Variants in FSTL5 observed in about 807,000 individuals in gnomAD.
FSTL5 encodes the protein follistatin like 5.
A neutral mutation model predicts 89.1 loss-of-function variants in FSTL5; 62 were observed. The ratio of observed to expected loss-of-function variants is 0.70; its 90% confidence interval spans 0.57 to 0.86. FSTL5 has a LOEUF of 0.86. Among genes scored for constraint, FSTL5 ranks in the 40% least tolerant of loss-of-function variants. The probability of loss-of-function intolerance (pLI) is 0.00; values close to 1 mark genes in which losing one functional copy is unlikely to be tolerated. For missense variants in FSTL5, 1,057 were observed against 1,001.6 expected (o/e 1.06, Z -0.75); for synonymous variants, 383 against 346.2 (o/e 1.11, Z -1.18).
intron 2 of FSTL5, among the ~76,000 whole-genome samples, chr4:162,048,374 G>A (rs1228049410): frequency 6.6e-6 from 1 of 151,744 alleles, no homozygotes; most frequent in Non-Finnish European, 1.5e-5. Flanking sequence ...CTATTCCCTT[G>A]AAAAACATAC....
At chr4:161,728,202 C>A (rs897663835) in intron 6 of FSTL5, among the ~76,000 whole-genome samples, 9 of 152,088 alleles carry the variant, frequency 5.9e-5, no homozygotes. Context: ...TATAAAATAT[C>A]TCTGGGTTAG....
intron 4 of FSTL5, among the ~76,000 whole-genome samples, chr4:161,817,611 G>A (rs575867301): frequency 1.3e-5 from 2 of 152,032 alleles, no homozygotes; most frequent in East Asian, 3.9e-4. Context: ...ATTTTTTCTT[G>A]AGTATTTAAT....
At chr4:162,045,676 C>T (rs543085169) in intron 2 of FSTL5, among the ~76,000 whole-genome samples, 118 of 152,132 alleles carry the variant, frequency 7.8e-4, no homozygotes, top group Non-Finnish European at 1.4e-3. Flanking sequence ...TGCTTAACAC[C>T]GGGCTACCAC....
At chr4:161,748,669 T>C (rs996135550) in intron 6 of FSTL5, among the ~76,000 whole-genome samples, 6 of 150,522 alleles carry the variant, frequency 4.0e-5, no homozygotes, top group Admixed American at 1.3e-4. Flanking sequence ...ACTTACACGA[T>C]TGGCGAATTT....
At chr4:161,654,528 T>C (rs1473850002) in intron 7 of FSTL5, among the ~76,000 whole-genome samples, 2 of 152,116 alleles carry the variant, frequency 1.3e-5, no homozygotes, top group African/African-American at 4.8e-5. Context: ...CCAGATAGTC[T>C]TTAAGAAAAG....
At chr4:161,847,223 T>C (rs976110874) in intron 4 of FSTL5, among the ~76,000 whole-genome samples, 2 of 152,190 alleles carry the variant, frequency 1.3e-5, no homozygotes, top group Non-Finnish European at 2.9e-5. Flanking sequence ...CAAAGTTTGA[T>C]CCAAAGTTTT....
chr4:162,105,886 T>C (rs1055450220), intron 2 of FSTL5, among the ~76,000 whole-genome samples: 3 of 152,298 alleles, frequency 2.0e-5, no homozygotes, highest in East Asian at 3.9e-4. Flanking sequence ...TCAGAAGCGA[T>C]AGCAAATTTT....
At chr4:162,099,235 A>T (rs1190207352) in intron 2 of FSTL5, among the ~76,000 whole-genome samples, 1 of 152,092 alleles carries the variant, frequency 6.6e-6, no homozygotes, top group Non-Finnish European at 1.5e-5. Context: ...GTCTACATAC[A>T]TCCAAGGGAT....
At chr4:162,008,875 C>T (rs1736684260) in intron 3 of FSTL5, among the ~76,000 whole-genome samples, 1 of 151,840 alleles carries the variant, frequency 6.6e-6, no homozygotes, top group South Asian at 2.1e-4. Flanking sequence ...GGCTTAGTTA[C>T]TCAAGAAGCT....
At chr4:161,576,549 T>C (rs1733214167) in intron 8 of FSTL5, among the ~76,000 whole-genome samples, 1 of 152,090 alleles carries the variant, frequency 6.6e-6, no homozygotes, top group Non-Finnish European at 1.5e-5. Context: ...TCGACAAACC[T>C]GACAAAAACA....
intron 4 of FSTL5, among the ~76,000 whole-genome samples, chr4:161,813,279 T>A (rs900942668): frequency 3.9e-5 from 6 of 152,140 alleles, no homozygotes; most frequent in African/African-American, 1.4e-4. Flanking sequence ...TCTGCCCGCC[T>A]TGGCCTCCCA....
At chr4:162,103,461 T>C (rs558265042) in intron 2 of FSTL5, among the ~76,000 whole-genome samples, 1 of 152,296 alleles carries the variant, frequency 6.6e-6, no homozygotes, top group Admixed American at 6.5e-5. Flanking sequence ...ACTCTCAATG[T>C]GTATTGGTAG....
chr4:161,647,885 C>T (rs1254579901), intron 7 of FSTL5, among the ~76,000 whole-genome samples: 1 of 152,088 alleles, frequency 6.6e-6, no homozygotes, highest in African/African-American at 2.4e-5. Context: ...CCCCCTAGAT[C>T]CCAGCAGGCA....
intron 6 of FSTL5, among the ~76,000 whole-genome samples, chr4:161,743,507 T>C (rs1740095120): frequency 6.6e-6 from 1 of 152,140 alleles, no homozygotes; most frequent in Non-Finnish European, 1.5e-5. Context: ...GCTTTTCTTT[T>C]GTCAAGATTG....
chr4:161,468,981 G>T (rs1186257075), intron 13 of FSTL5, among the ~76,000 whole-genome samples: 1 of 152,016 alleles, frequency 6.6e-6, no homozygotes, highest in South Asian at 2.1e-4. Context: ...GCTGAAATAT[G>T]TTCATAATTC....
intron 1 of FSTL5, among the ~76,000 whole-genome samples, chr4:162,138,907 T>C (rs1732618920): frequency 6.6e-6 from 1 of 152,052 alleles, no homozygotes; most frequent in South Asian, 2.1e-4. Context: ...AGAAGCCCTT[T>C]ACGGAAGAAA....
chr4:161,569,071 C>A (rs1732914993), intron 8 of FSTL5, among the ~76,000 whole-genome samples: 2 of 152,122 alleles, frequency 1.3e-5, no homozygotes, highest in Admixed American at 6.6e-5. Flanking sequence ...TATTATATTT[C>A]ATTACACCCT....
chr4:161,751,911 T>C (rs1444029743), intron 6 of FSTL5, among the ~76,000 whole-genome samples: 1 of 152,222 alleles, frequency 6.6e-6, no homozygotes, highest in African/African-American at 2.4e-5. Flanking sequence ...GGTTTCATAT[T>C]ATAATGATCT....
chr4:161,600,882 C>A (rs2126624076), intron 7 of FSTL5, among the ~76,000 whole-genome samples: 1 of 152,166 alleles, frequency 6.6e-6, no homozygotes, highest in East Asian at 1.9e-4. Flanking sequence ...ACAATAATTT[C>A]TTTCTGGAAT....
Sources: gnomAD v4.1 joint callset for allele counts (sites outside exome capture counted in the v4.1 genomes callset) on GRCh38, gnomAD v4.1.1 for gene constraint, MANE v1.5 for transcripts, NCBI Gene and HGNC (gene_info 2026-07-23, HGNC 2026-07-21) for gene names.